Variants in ZBBX observed in about 807,000 individuals in gnomAD.
The protein encoded by ZBBX is zinc finger B-box domain-containing protein 1.
ZBBX carries 101 observed loss-of-function variants against 108.5 expected under a neutral mutation model. The observed-to-expected ratio is 0.93, with a 90% CI of 0.79 to 1.10. ZBBX has a LOEUF of 1.10. Among genes scored for constraint, ZBBX ranks in the 50% least tolerant of loss-of-function variants. The probability of loss-of-function intolerance (pLI) is 0.00; values close to 1 mark genes in which losing one functional copy is unlikely to be tolerated. For synonymous variants in ZBBX, 356 were observed against 323.4 expected (o/e 1.10, Z -1.08); for missense variants, 1,009 against 941.4 (o/e 1.07, Z -0.94).
intron 4 of ZBBX, chr3:167,368,815 A>C: frequency 3.3e-6 from 3 of 905,022 alleles, no homozygotes; most frequent in Non-Finnish European, 4.1e-6. Context: ...CTAGGGGTTC[A>C]AAATTATAAT....
chr3:167,248,712 A>G (rs1172543358), intron 20 of ZBBX: 1 of 455,228 alleles, frequency 2.2e-6, no homozygotes, highest in Non-Finnish European at 4.4e-6. Flanking sequence ...GTAAATGGGC[A>G]GAACCAATTC....
At chr3:167,392,671 G>A (rs1748111240) in intron 1 of ZBBX, 1 of 151,778 alleles carries the variant, frequency 6.6e-6, no homozygotes, top group Admixed American at 6.6e-5. Context: ...GATATGGTCT[G>A]TAGATGAGAT....
chr3:167,406,044 G>A (rs932322006), intron 1 of ZBBX, among the ~76,000 whole-genome samples: 1 of 152,092 alleles, frequency 6.6e-6, no homozygotes, highest in African/African-American at 2.4e-5. Flanking sequence ...AGCCTGGGTT[G>A]CAAGGGCAAG....
intron 8 of ZBBX, among the ~76,000 whole-genome samples, chr3:167,359,047 T>C (rs773663998): frequency 7.3e-5 from 11 of 150,538 alleles, no homozygotes; most frequent in African/African-American, 1.2e-4. Flanking sequence ...AGCAAAAATA[T>C]TGAAACAACC....
chr3:167,264,880 C>T (rs898785428), intron 20 of ZBBX, among the ~76,000 whole-genome samples: 1 of 152,214 alleles, frequency 6.6e-6, no homozygotes, highest in Admixed American at 6.5e-5. Context: ...GATTTCTACT[C>T]GGCCACCACC....
At chr3:167,235,738 A>C (rs1364457603), downstream of ZBBX, among the ~76,000 whole-genome samples, 2 of 151,674 alleles carry the variant, frequency 1.3e-5, no homozygotes, top group East Asian at 3.9e-4. Flanking sequence ...CCTTTTGCTT[A>C]ACTATAGTAG....
At chr3:167,403,580 T>C (rs935134396) in intron 1 of ZBBX, among the ~76,000 whole-genome samples, 1 of 152,024 alleles carries the variant, frequency 6.6e-6, no homozygotes, top group Non-Finnish European at 1.5e-5. Flanking sequence ...CTATTTAAAA[T>C]GAAACATTTA....
At chr3:167,189,046 TTG>T in the ZBBX span, among the ~76,000 whole-genome samples, 1 of 152,180 alleles carries the variant, frequency 6.6e-6, no homozygotes, top group Non-Finnish European at 1.5e-5. Context: ...GGGAGTGAAC[TTG>T]GAAAATTCCT....
At chr3:167,319,999 G>A (rs1280772115) in intron 12 of ZBBX, among the ~76,000 whole-genome samples, 2 of 151,280 alleles carry the variant, frequency 1.3e-5, no homozygotes, top group African/African-American at 4.9e-5. Flanking sequence ...TGTGTATGTG[G>A]ATTTGTGTGT....
At chr3:167,330,860 A>T (rs1169299090) in intron 10 of ZBBX, among the ~76,000 whole-genome samples, 1 of 76,196 alleles carries the variant, frequency 1.3e-5, no homozygotes, top group African/African-American at 6.5e-5. Context: ...GAGGAGGAGG[A>T]GGAGGAGGAG....
chr3:167,350,212 T>C (rs962839531), intron 9 of ZBBX, among the ~76,000 whole-genome samples: 1 of 152,034 alleles, frequency 6.6e-6, no homozygotes, highest in Non-Finnish European at 1.5e-5. Flanking sequence ...TGCAACTACG[T>C]TAAAACAGTT....
intron 12 of ZBBX, among the ~76,000 whole-genome samples, chr3:167,320,460 A>G (rs1736256064): frequency 1.3e-5 from 2 of 152,012 alleles, no homozygotes; most frequent in South Asian, 4.1e-4. Context: ...AGGAATTCCA[A>G]CTAATAAATT....
intron 9 of ZBBX, among the ~76,000 whole-genome samples, chr3:167,345,765 T>C (rs1464386334): frequency 6.6e-6 from 1 of 151,822 alleles, no homozygotes; most frequent in Non-Finnish European, 1.5e-5. Flanking sequence ...AAGACAATCC[T>C]AAGCAAAAAG....
intron 16 of ZBBX, among the ~76,000 whole-genome samples, chr3:167,312,467 T>G (rs879473401): frequency 6.6e-6 from 1 of 152,180 alleles, no homozygotes; most frequent in Non-Finnish European, 1.5e-5. Context: ...AGTAGATTCA[T>G]CCATTGTAGT....
At chr3:167,179,634 T>C in the ZBBX span, among the ~76,000 whole-genome samples, 15 of 152,336 alleles carry the variant, frequency 9.8e-5, no homozygotes, top group East Asian at 2.1e-3. Context: ...ATCACATTAA[T>C]AGGCATATCA....
intron 17 of ZBBX, among the ~76,000 whole-genome samples, chr3:167,302,348 G>C (rs1293518938): frequency 5.3e-5 from 8 of 152,060 alleles, no homozygotes; most frequent in African/African-American, 1.9e-4. Context: ...ATATTGATAG[G>C]TACATACAAA....
At chr3:167,220,934 A>G in the ZBBX span, among the ~76,000 whole-genome samples, 4 of 151,984 alleles carry the variant, frequency 2.6e-5, no homozygotes, top group South Asian at 4.1e-4. Flanking sequence ...GAACAATCTG[A>G]AAAAGAAATC....
chr3:167,250,510 A>G (rs1472386606), intron 20 of ZBBX, among the ~76,000 whole-genome samples: 2 of 148,438 alleles, frequency 1.3e-5, no homozygotes, highest in South Asian at 2.2e-4. Context: ...TGTTTCACCC[A>G]TGCATACTTA....
intron 19 of ZBBX, among the ~76,000 whole-genome samples, chr3:167,285,639 G>A (rs1195397636): frequency 1.3e-5 from 2 of 152,140 alleles, no homozygotes; most frequent in Non-Finnish European, 1.5e-5. Flanking sequence ...GAACTGGATA[G>A]TAGAACGTCT....
Sources: allele counts gnomAD v4.1 joint callset (sites outside exome capture counted in the v4.1 genomes callset), GRCh38; gene constraint gnomAD v4.1.1; transcripts MANE v1.5; gene names NCBI Gene and HGNC (gene_info 2026-07-23, HGNC 2026-07-21).